The following DLG2 variants were observed in gnomAD, a reference collection of about 807,000 sequenced individuals.
The protein encoded by DLG2 is discs large MAGUK scaffold protein 2, also known as disks large homolog 2.
DLG2 carries 45 observed loss-of-function variants against 132.5 expected under a neutral mutation model. The observed-to-expected ratio is 0.34, with a 90% CI of 0.27 to 0.44. The LOEUF is 0.44. Ranked by LOEUF, DLG2 falls within the 20% of genes least tolerant of loss-of-function variation. DLG2 has a pLI of 1.00. For missense variants in DLG2, 1,045 were observed against 1,196.9 expected (o/e 0.87, Z 1.87); for synonymous variants, 424 against 419.6 (o/e 1.01, Z -0.13).
chr11:85,547,011 T>C (rs2153217763), intron 3 of DLG2, among the ~76,000 whole-genome samples: 1 of 152,230 alleles, frequency 6.6e-6, no homozygotes, highest in South Asian at 2.1e-4. Flanking sequence ...ACATTTAAGG[T>C]TAATATTGTT....
At chr11:83,689,355 A>C (rs113434321) in intron 18 of DLG2, among the ~76,000 whole-genome samples, 116 of 152,286 alleles carry the variant, frequency 7.6e-4, no homozygotes, top group African/African-American at 2.5e-3. Flanking sequence ...TCCATTTAGC[A>C]CTTAATAACA....
At chr11:84,067,379 G>A (rs2096691872) in intron 10 of DLG2, among the ~76,000 whole-genome samples, 2 of 151,984 alleles carry the variant, frequency 1.3e-5, no homozygotes, top group South Asian at 4.2e-4. Context: ...TGTTCAAAAG[G>A]AATAATTCCA....
At chr11:83,795,327 G>A (rs1461593934) in intron 17 of DLG2, among the ~76,000 whole-genome samples, 1 of 152,050 alleles carries the variant, frequency 6.6e-6, no homozygotes, top group African/African-American at 2.4e-5. Flanking sequence ...AGAATGGCGT[G>A]AACATGGGAG....
intron 8 of DLG2, among the ~76,000 whole-genome samples, chr11:84,193,428 A>G (rs1443974187): frequency 6.6e-6 from 1 of 152,234 alleles, no homozygotes; most frequent in Non-Finnish European, 1.5e-5. Flanking sequence ...TGGACCCGAC[A>G]GTAAGGGTTA....
intron 8 of DLG2, among the ~76,000 whole-genome samples, chr11:84,185,893 T>A (rs1454990945): frequency 6.6e-6 from 1 of 152,186 alleles, no homozygotes; most frequent in Non-Finnish European, 1.5e-5. Flanking sequence ...TATTTGGGAT[T>A]GTCTTTGTTT....
At chr11:84,243,513 C>A (rs1263557185) in intron 8 of DLG2, among the ~76,000 whole-genome samples, 1 of 152,062 alleles carries the variant, frequency 6.6e-6, no homozygotes, top group East Asian at 1.9e-4. Flanking sequence ...CATCAGGATC[C>A]AAACCAAAAA....
At chr11:84,502,412 T>TCTC (rs943091250) in intron 7 of DLG2, among the ~76,000 whole-genome samples, 1 of 115,532 alleles carries the variant, frequency 8.7e-6, no homozygotes, top group Non-Finnish European at 1.8e-5. Context: ...CTTTCTTTCT[T>TCTC]TCTATACAGA....
chr11:84,344,572 T>C (rs983551667), intron 7 of DLG2, among the ~76,000 whole-genome samples: 2 of 152,200 alleles, frequency 1.3e-5, no homozygotes, highest in East Asian at 1.9e-4. Flanking sequence ...TTGAGAAACT[T>C]GTCTTTTCCA....
At chr11:84,257,876 G>A (rs1398199633) in intron 7 of DLG2, among the ~76,000 whole-genome samples, 2 of 151,564 alleles carry the variant, frequency 1.3e-5, no homozygotes, top group Admixed American at 6.6e-5. Context: ...TTATAGAGAC[G>A]GGGTTTTGCT....
chr11:85,406,053 CTT>C (rs2088699056), intron 3 of DLG2, among the ~76,000 whole-genome samples: 1 of 151,934 alleles, frequency 6.6e-6, no homozygotes, highest in Non-Finnish European at 1.5e-5. Flanking sequence ...AATTTTACCT[CTT>C]ATGTCATAGT....
chr11:84,272,419 G>C (rs2097736572), intron 7 of DLG2: 1 of 286,174 alleles, frequency 3.5e-6, no homozygotes. Context: ...TAGCTAATTG[G>C]TGATCTCAAT....
chr11:84,994,210 G>A (rs2057414060), intron 6 of DLG2, among the ~76,000 whole-genome samples: 1 of 152,116 alleles, frequency 6.6e-6, no homozygotes, highest in Non-Finnish European at 1.5e-5. Context: ...ATACAAACGT[G>A]AGCCTCAGTC....
intron 3 of DLG2, among the ~76,000 whole-genome samples, chr11:85,353,759 G>A (rs998897275): frequency 1.3e-5 from 2 of 152,078 alleles, no homozygotes. Context: ...AACACTGCAT[G>A]TTCTCACTCA....
intron 18 of DLG2, among the ~76,000 whole-genome samples, chr11:83,657,547 T>TTC (rs1226080111): frequency 7.1e-6 from 1 of 141,584 alleles, no homozygotes; most frequent in African/African-American, 2.7e-5. Flanking sequence ...TTTTTTTTTT[T>TTC]TTTTTTTTTG....
At chr11:83,923,764 T>C (rs12797749) in intron 15 of DLG2, among the ~76,000 whole-genome samples, 3 of 152,028 alleles carry the variant, frequency 2.0e-5, no homozygotes, top group African/African-American at 7.2e-5. Flanking sequence ...ATTTCAACCC[T>C]GCTCTATAAT....
intron 7 of DLG2, among the ~76,000 whole-genome samples, chr11:84,416,655 T>A (rs1050948672): frequency 6.6e-6 from 1 of 152,196 alleles, no homozygotes; most frequent in Non-Finnish European, 1.5e-5. Flanking sequence ...CTTAGCAAAG[T>A]CATTGAAGCT....
At chr11:85,410,399 C>G (rs529178456) in intron 3 of DLG2, among the ~76,000 whole-genome samples, 1 of 151,562 alleles carries the variant, frequency 6.6e-6, no homozygotes, top group African/African-American at 2.4e-5. Flanking sequence ...AGCCCATAAG[C>G]CACTTTTGAG....
intron 3 of DLG2, among the ~76,000 whole-genome samples, chr11:85,540,578 T>C (rs1225613224): frequency 3.3e-5 from 5 of 152,222 alleles, no homozygotes; most frequent in Non-Finnish European, 7.3e-5. Context: ...CCACATGTGA[T>C]TCAATTTTTC....
chr11:85,548,669 T>A (rs2076477849), intron 3 of DLG2, among the ~76,000 whole-genome samples: 2 of 152,168 alleles, frequency 1.3e-5, no homozygotes, highest in Non-Finnish European at 2.9e-5. Flanking sequence ...TGTGCCTGTT[T>A]TTCAGAGACG....
Sources: allele counts gnomAD v4.1 joint callset (sites outside exome capture counted in the v4.1 genomes callset), GRCh38; gene constraint gnomAD v4.1.1; transcripts MANE v1.5; gene names NCBI Gene and HGNC (gene_info 2026-07-23, HGNC 2026-07-21).